MELK: variants seen among roughly 807,000 people sequenced by gnomAD.
The protein encoded by MELK is pEg3 kinase.
MELK carries 81 observed loss-of-function variants against 85.0 expected under a neutral mutation model. The observed-to-expected ratio is 0.95, with a 90% confidence interval of 0.80 to 1.15. The LOEUF (loss-of-function observed/expected upper bound fraction) is 1.15. Ranked by LOEUF, MELK falls within the 50% of genes most tolerant of loss-of-function variation. The probability of loss-of-function intolerance (pLI) is 0.00; values close to 1 mark genes in which losing one functional copy is unlikely to be tolerated. For missense variants in MELK, 754 were observed against 777.5 expected, an observed-to-expected ratio of 0.97 and a Z score of 0.36; for synonymous variants, 252 against 265.0, an observed-to-expected ratio of 0.95 and a Z score of 0.48.
intron 13 of MELK, 141 bp downstream of exon 13, chr9:36,657,504 T>C: frequency 1.1e-6 from 1 of 917,882 alleles, no homozygotes; most frequent in Non-Finnish European, 1.6e-6. Flanking sequence ...ATAACTGGAA[T>C]ACGAATGAAA....
chr9:36,629,855 T>A (rs1156378204), intron 8 of MELK, among the ~76,000 whole-genome samples: 1 of 148,696 alleles, frequency 6.7e-6, no homozygotes, highest in Non-Finnish European at 1.5e-5. Flanking sequence ...TTTTTTTTTT[T>A]TTTTTTTGTG....
intron 4 of MELK, 120 bp downstream of exon 4, chr9:36,589,772 A>G: frequency 1.5e-6 from 1 of 682,248 alleles, no homozygotes; most frequent in East Asian, 2.7e-5. Context: ...GTTTTGTTCC[A>G]TTTGTAACAA....
chr9:36,654,971 T>C (rs562671416), intron 12 of MELK, among the ~76,000 whole-genome samples: 3 of 152,118 alleles, frequency 2.0e-5, no homozygotes, highest in Non-Finnish European at 4.4e-5. Flanking sequence ...TTATCCCTTT[T>C]CTCTGGGGTG....
chr9:36,645,856 T>C (rs1325242357), intron 11 of MELK, among the ~76,000 whole-genome samples: 2 of 152,112 alleles, frequency 1.3e-5, no homozygotes, highest in African/African-American at 4.8e-5. Flanking sequence ...TCCAGGTGCT[T>C]TTTAGCCGCG....
intron 13 of MELK, among the ~76,000 whole-genome samples, chr9:36,660,231 C>T (rs576688409): frequency 6.6e-6 from 1 of 152,110 alleles, no homozygotes; most frequent in East Asian, 1.9e-4. Flanking sequence ...TATTCTCTAA[C>T]TTTTTTTTCA....
At chr9:36,650,895 G>A (rs1000537121) in intron 11 of MELK, among the ~76,000 whole-genome samples, 1 of 152,164 alleles carries the variant, frequency 6.6e-6, no homozygotes, top group Non-Finnish European at 1.5e-5. Context: ...TGAACATGTT[G>A]AGAGGAGGTA....
intron 11 of MELK, among the ~76,000 whole-genome samples, chr9:36,644,113 T>C (rs1184795930): frequency 1.3e-5 from 2 of 152,040 alleles, no homozygotes; most frequent in Non-Finnish European, 2.9e-5. Context: ...CACCCCTAAG[T>C]GGACAAACCA....
At chr9:36,676,394 C>A (rs1272833626) in intron 17 of MELK, among the ~76,000 whole-genome samples, 2 of 152,142 alleles carry the variant, frequency 1.3e-5, no homozygotes, top group African/African-American at 4.8e-5. Flanking sequence ...ACAAACAAAA[C>A]TCTAAAATAG....
chr9:36,659,006 C>T (rs577362655), intron 13 of MELK, among the ~76,000 whole-genome samples: 46 of 151,712 alleles, frequency 3.0e-4, no homozygotes, highest in African/African-American at 9.7e-4. Flanking sequence ...CTCAGCTTCC[C>T]GAATAGCTGG....
chr9:36,597,677 GT>G (rs1824447573), intron 6 of MELK, among the ~76,000 whole-genome samples: 1 of 152,148 alleles, frequency 6.6e-6, no homozygotes, highest in South Asian at 2.1e-4. Context: ...GTGCAAATCT[GT>G]TATCCAAATG....
At chr9:36,668,998 T>G (rs1832641147) in intron 14 of MELK, among the ~76,000 whole-genome samples, 1 of 152,194 alleles carries the variant, frequency 6.6e-6, no homozygotes, top group Non-Finnish European at 1.5e-5. Flanking sequence ...AATCAGTAAT[T>G]ATGAGATTTG....
At chr9:36,659,348 T>C (rs1831572125) in intron 13 of MELK, among the ~76,000 whole-genome samples, 1 of 152,190 alleles carries the variant, frequency 6.6e-6, no homozygotes, top group South Asian at 2.1e-4. Flanking sequence ...GTATATGTCT[T>C]GTAATTGTTG....
At chr9:36,630,189 AGTTG>A in intron 8 of MELK, 106 bp from the exon 9 acceptor site, 2 of 791,774 alleles carry the variant, frequency 2.5e-6, no homozygotes, top group Non-Finnish European at 4.3e-6. Flanking sequence ...CAAGTATTGT[AGTTG>A]GGTGAAGTCT....
chr9:36,589,765 T>C, intron 4 of MELK, 113 bp downstream of exon 4: 1 of 719,044 alleles, frequency 1.4e-6, no homozygotes, highest in Non-Finnish European at 2.3e-6. Flanking sequence ...CTTACCTGTT[T>C]TGTTCCATTT....
chr9:36,626,756 G>A (rs1176925374), intron 8 of MELK, among the ~76,000 whole-genome samples: 1 of 151,930 alleles, frequency 6.6e-6, no homozygotes, highest in Admixed American at 6.6e-5. Flanking sequence ...TCAGTAGTTC[G>A]AGATCAGCCT....
intron 1 of MELK, among the ~76,000 whole-genome samples, chr9:36,580,389 A>G (rs1401171415): frequency 1.3e-5 from 2 of 151,530 alleles, no homozygotes; most frequent in Admixed American, 1.3e-4. Context: ...GCACAATCTC[A>G]GCTTACTGCA....
intron 13 of MELK, among the ~76,000 whole-genome samples, chr9:36,660,680 C>A (rs1488934569): frequency 3.3e-5 from 5 of 151,052 alleles, no homozygotes; most frequent in Non-Finnish European, 7.4e-5. Context: ...TGGGCAGGCT[C>A]TGAGTAAGGT....
intron 1 of MELK, among the ~76,000 whole-genome samples, chr9:36,576,998 C>T (rs1821726700): frequency 6.6e-6 from 1 of 152,168 alleles, no homozygotes; most frequent in Non-Finnish European, 1.5e-5. Context: ...AAGAAGACTA[C>T]TCATCATTGT....
intron 7 of MELK, among the ~76,000 whole-genome samples, chr9:36,601,163 AATTT>A (rs1824880815): frequency 1.3e-5 from 2 of 152,198 alleles, no homozygotes; most frequent in Admixed American, 1.3e-4. Context: ...ACATTGATAC[AATTT>A]ATTTAATTCA....
Sources: allele counts gnomAD v4.1 joint callset (sites outside exome capture counted in the v4.1 genomes callset), GRCh38; gene constraint gnomAD v4.1.1; transcripts MANE v1.5; gene names NCBI Gene and HGNC (gene_info 2026-07-23, HGNC 2026-07-21).